The following RCL1 variants were observed in gnomAD, a reference collection of about 807,000 sequenced individuals.
RCL1 encodes the protein RNA 3'-terminal phosphate cyclase-like protein.
RCL1 carries 24 observed loss-of-function variants against 42.4 expected under a neutral mutation model. The ratio of observed to expected loss-of-function variants is 0.57; its 90% confidence interval spans 0.41 to 0.80. The LOEUF is 0.80. RCL1 is among the 30% of genes least tolerant of loss of function. The pLI is 0.00. For missense variants in RCL1, 578 were observed against 467.9 expected (o/e 1.24, Z -2.17); for synonymous variants, 228 against 177.3 (o/e 1.29, Z -2.27).
rs1392880205 is a variant in RCL1 at position 4,860,859 on chromosome 9, C to G, written c.*584C>G. 6.6e-6 allele frequency: 1 copy of G among 152,230 alleles called. No individual in the cohort carries two copies. The highest frequency in any genetic ancestry group is 6.5e-5 in the Admixed American group (1 of 15,280). 9.4% of individuals were successfully genotyped at this position (152,230 alleles called of 1,614,324 possible). A position where few individuals can be genotyped will look rare whatever the true frequency, so the allele number is the denominator to read the frequency against. ...CACGGACACGGATCTTCATCTGGTT[C>G]ATTGTATTTATATGTGAGGGATGGA... On this transcript the variant is annotated 3_prime_UTR_variant, in exon 9 of 9. Transcript: ENST00000381750.
chr9:4,857,173 T>G (rs949901602), intron 8 of RCL1, among the ~76,000 whole-genome samples: 3 of 152,214 alleles, frequency 2.0e-5, no homozygotes, highest in Admixed American at 2.0e-4. Context: ...CACAGACTTG[T>G]GTAACCACAG....
chr9:4,848,015 C>G (rs976289535), intron 7 of RCL1, among the ~76,000 whole-genome samples: 1 of 152,196 alleles, frequency 6.6e-6, no homozygotes, highest in African/African-American at 2.4e-5. Flanking sequence ...TCCATGATGT[C>G]CTGTACAGGG....
At chr9:4,823,030 T>C (rs2130998567) in intron 1 of RCL1, among the ~76,000 whole-genome samples, 1 of 152,150 alleles carries the variant, frequency 6.6e-6, no homozygotes. Context: ...TGGTAGAGGA[T>C]GGGAAAAGGG....
chr9:4,832,637 G>C (rs1051651943), intron 3 of RCL1, among the ~76,000 whole-genome samples: 1 of 151,454 alleles, frequency 6.6e-6, no homozygotes, highest in African/African-American at 2.4e-5. Context: ...GTGAAACCCC[G>C]TCTCTACTAA....
At chr9:4,805,293 G>A (rs1269332585) in intron 1 of RCL1, among the ~76,000 whole-genome samples, 1 of 152,166 alleles carries the variant, frequency 6.6e-6, no homozygotes, top group Non-Finnish European at 1.5e-5. Flanking sequence ...GGAGGCTGAG[G>A]CAGGAGGATC....
chr9:4,820,173 G>T (rs898354571), intron 1 of RCL1, among the ~76,000 whole-genome samples: 1 of 152,162 alleles, frequency 6.6e-6, no homozygotes, highest in Non-Finnish European at 1.5e-5. Context: ...TTCCCTGAAC[G>T]TTTTGAGATA....
intron 1 of RCL1, among the ~76,000 whole-genome samples, chr9:4,819,769 T>A (rs1016785200): frequency 6.6e-6 from 1 of 152,200 alleles, no homozygotes; most frequent in Non-Finnish European, 1.5e-5. Flanking sequence ...ATCGCGCCAC[T>A]GCACTCCAGC....
At chr9:4,827,131 A>C (rs1367129844) in intron 3 of RCL1, 98 bp downstream of exon 3, 2 of 1,570,432 alleles carry the variant, frequency 1.3e-6, no homozygotes, top group African/African-American at 1.4e-5. Context: ...CAGTTTTATT[A>C]CAAATGTATA....
At chr9:4,835,625 G>A (rs1285917895) in intron 5 of RCL1, among the ~76,000 whole-genome samples, 1 of 152,250 alleles carries the variant, frequency 6.6e-6, no homozygotes, top group Non-Finnish European at 1.5e-5. Flanking sequence ...AAGGATTTGA[G>A]TGTTTTTGTA....
chr9:4,827,705 A>G (rs1303514376), intron 3 of RCL1, among the ~76,000 whole-genome samples: 2 of 150,658 alleles, frequency 1.3e-5, no homozygotes, highest in African/African-American at 2.5e-5. Context: ...TGTGATCACA[A>G]CTGTCTTAAT....
At chr9:4,808,517 A>G (rs1322630258) in intron 1 of RCL1, among the ~76,000 whole-genome samples, 2 of 152,098 alleles carry the variant, frequency 1.3e-5, no homozygotes, top group Admixed American at 6.5e-5. Context: ...CATGTTGCCC[A>G]GGCTGGTCTC....
intron 1 of RCL1, chr9:4,805,119 A>C (rs897167952): frequency 6.6e-5 from 10 of 152,548 alleles, no homozygotes; most frequent in African/African-American, 1.4e-4. Flanking sequence ...TCTCAAAGCC[A>C]ATGAAGAGGG....
chr9:4,799,223 C>G (rs1484764510), intron 1 of RCL1, among the ~76,000 whole-genome samples: 1 of 151,764 alleles, frequency 6.6e-6, no homozygotes, highest in East Asian at 1.9e-4. Flanking sequence ...AGCCTTCTGC[C>G]TAACTGTCCC....
intron 7 of RCL1, 72 bp from the exon 8 acceptor site, chr9:4,849,374 GT>G (rs556405662): frequency 8.3e-4 from 854 of 1,030,212 alleles, no homozygotes; most frequent in Admixed American, 9.4e-4. Context: ...TATGTTTCTG[GT>G]TTTTTTTTTC....
chr9:4,799,124 T>C lies in RCL1; in HGVS notation c.136+5897T>C, dbSNP rs74347792. 1.6e-4 allele frequency among the ~76,000 whole-genome samples: 20 copies of C among 126,902 alleles called. 1 individual carries two copies. Among genetic ancestry groups the C allele is most frequent in the South Asian group, 3.0e-4 (1 of 3,354 alleles). The allele number at this position is 126,902 out of a possible 152,430, so 83.3% of individuals were successfully genotyped here. ...CTCCTTCCTCTTTTTCTCCCTCCCT[T>C]CCTTCCTCTCTTTCTCTTTTCTTCT... On this transcript the variant is annotated intron_variant, in intron 1 of 8. Coordinates refer to ENST00000381750, the MANE Select transcript of RCL1 (RefSeq NM_005772.5).
At chr9:4,817,346 TTTAA>T (rs1435873708) in intron 1 of RCL1, among the ~76,000 whole-genome samples, 1 of 152,084 alleles carries the variant, frequency 6.6e-6, no homozygotes, top group African/African-American at 2.4e-5. Flanking sequence ...TCTTAATCTT[TTTAA>T]TTAATTATAT....
chr9:4,834,471 C>CTTTTTT (rs5896097), intron 5 of RCL1, among the ~76,000 whole-genome samples: 3 of 128,426 alleles, frequency 2.3e-5, no homozygotes, highest in African/African-American at 8.8e-5. Context: ...TTGAGTCATT[C>CTTTTTT]TTTTTTTTTT....
chr9:4,842,776 G>A (rs999583940), intron 6 of RCL1, among the ~76,000 whole-genome samples: 1 of 152,122 alleles, frequency 6.6e-6, no homozygotes. Context: ...TGGAGAAAGG[G>A]GATTTCCGAG....
chr9:4,810,350 A>C (rs1816130689), intron 1 of RCL1, among the ~76,000 whole-genome samples: 2 of 152,046 alleles, frequency 1.3e-5, no homozygotes, highest in Non-Finnish European at 1.5e-5. Context: ...ATTCCCTCCC[A>C]CTGCCAAGGT....
Sources: allele counts gnomAD v4.1 joint callset (sites outside exome capture counted in the v4.1 genomes callset), GRCh38; gene constraint gnomAD v4.1.1; transcripts MANE v1.5; gene names NCBI Gene and HGNC (gene_info 2026-07-23, HGNC 2026-07-21).